The following DLGAP4 variants were observed in gnomAD, a reference collection of about 807,000 sequenced individuals.
The protein encoded by DLGAP4 is DLG associated protein 4.
A neutral mutation model predicts 86.9 loss-of-function variants in DLGAP4; 18 were observed. The observed-to-expected ratio is 0.21, with a 90% confidence interval of 0.14 to 0.31. The LOEUF is 0.31. DLGAP4 is among the 10% of genes least tolerant of loss of function. The pLI, the probability that DLGAP4 is intolerant of heterozygous loss-of-function variation, is 1.00. For synonymous variants in DLGAP4, 548 were observed against 574.3 expected (o/e 0.95, Z 0.65); for missense variants, 1,085 against 1,362.6 (o/e 0.80, Z 3.21).
intron 1 of DLGAP4, among the ~76,000 whole-genome samples, chr20:36,315,530 G>T (rs1159843445): frequency 0.02 from 1 of 50 alleles, no homozygotes; most frequent in African/African-American, 0.062. Context: ...CTGGAAACTT[G>T]GGTGGCCATG....
At chr20:36,452,922 T>C (rs2033778264) in intron 7 of DLGAP4, among the ~76,000 whole-genome samples, 1 of 140,904 alleles carries the variant, frequency 7.1e-6, no homozygotes, top group African/African-American at 2.6e-5. Flanking sequence ...AACCTCTGCC[T>C]CCCAGGTTCA....
At chr20:36,307,508 T>C (rs1393084348) in intron 1 of DLGAP4, among the ~76,000 whole-genome samples, 1 of 152,028 alleles carries the variant, frequency 6.6e-6, no homozygotes, top group Non-Finnish European at 1.5e-5. Flanking sequence ...AGACTGTTGA[T>C]GTGGGAAAAA....
chr20:36,411,275 C>T (rs552634105), intron 2 of DLGAP4, among the ~76,000 whole-genome samples: 1 of 152,274 alleles, frequency 6.6e-6, no homozygotes, highest in East Asian at 1.9e-4. Context: ...AGACGTGGGC[C>T]ACCGCGCCTG....
chr20:36,363,662 C>T (rs994710244), intron 1 of DLGAP4, among the ~76,000 whole-genome samples: 1 of 152,168 alleles, frequency 6.6e-6, no homozygotes, highest in Admixed American at 6.5e-5. Flanking sequence ...ATGTCCATTT[C>T]CCTCTGAATC....
chr20:36,332,538 C>T (rs2065280053), intron 1 of DLGAP4, among the ~76,000 whole-genome samples: 1 of 152,118 alleles, frequency 6.6e-6, no homozygotes, highest in South Asian at 2.1e-4. Context: ...TACAGGCGCC[C>T]GCCACTGCAC....
At chr20:36,520,790 T>G (rs1393671029) in intron 10 of DLGAP4, among the ~76,000 whole-genome samples, 1 of 151,992 alleles carries the variant, frequency 6.6e-6, no homozygotes, top group Non-Finnish European at 1.5e-5. Flanking sequence ...AAGAAACCAT[T>G]GCAAAATCCA....
chr20:36,518,860 G>A (rs1487542866), intron 10 of DLGAP4, among the ~76,000 whole-genome samples: 1 of 152,082 alleles, frequency 6.6e-6, no homozygotes, highest in Non-Finnish European at 1.5e-5. Flanking sequence ...GTTCATGCCT[G>A]TAATCCCAGC....
chr20:36,445,217 C>T (rs2033558081), intron 6 of DLGAP4, among the ~76,000 whole-genome samples: 1 of 152,094 alleles, frequency 6.6e-6, no homozygotes, highest in Non-Finnish European at 1.5e-5. Flanking sequence ...CTGAAATGCA[C>T]AGATTTGGCC....
At chr20:36,336,909 C>T (rs550011675) in intron 1 of DLGAP4, among the ~76,000 whole-genome samples, 5 of 152,336 alleles carry the variant, frequency 3.3e-5, no homozygotes, top group East Asian at 3.9e-4. Flanking sequence ...GCCCCCAGCC[C>T]GCACCCAGTC....
intron 2 of DLGAP4, among the ~76,000 whole-genome samples, chr20:36,396,417 A>ACCCACGCACAC (rs1569484655): frequency 4.4e-5 from 2 of 45,286 alleles, no homozygotes; most frequent in Non-Finnish European, 9.7e-5. Context: ...ACATACACAC[A>ACCCACGCACAC]CACACACCAC....
intron 2 of DLGAP4, among the ~76,000 whole-genome samples, chr20:36,406,785 C>T (rs867660357): frequency 6.6e-6 from 1 of 152,118 alleles, no homozygotes; most frequent in South Asian, 2.1e-4. Flanking sequence ...GGCTGCAGAC[C>T]CTGGAATCCT....
chr20:36,314,351 TGTG>T (rs1295663011), intron 1 of DLGAP4, among the ~76,000 whole-genome samples: 21 of 127,162 alleles, frequency 1.7e-4, no homozygotes, highest in African/African-American at 6.5e-4. Context: ...TGTGTGTGTG[TGTG>T]GTGTGGTGTG....
At chr20:36,325,834 C>G (rs1319709582) in intron 1 of DLGAP4, among the ~76,000 whole-genome samples, 4 of 151,830 alleles carry the variant, frequency 2.6e-5, no homozygotes, top group Non-Finnish European at 5.9e-5. Context: ...TCTCTTGACT[C>G]AGCCTCCTGA....
chr20:36,376,077 C>T (rs2031140878), intron 2 of DLGAP4, among the ~76,000 whole-genome samples: 1 of 152,036 alleles, frequency 6.6e-6, no homozygotes, highest in Non-Finnish European at 1.5e-5. Flanking sequence ...GGGCTCACTG[C>T]AGCCTCTAAC....
At chr20:36,484,022 C>T (rs141685086) in intron 7 of DLGAP4, among the ~76,000 whole-genome samples, 3 of 152,352 alleles carry the variant, frequency 2.0e-5, no homozygotes, top group East Asian at 3.8e-4. Flanking sequence ...CCCTGGAGGC[C>T]GTGGCTAAAG....
intron 1 of DLGAP4, among the ~76,000 whole-genome samples, chr20:36,307,374 T>C (rs1399729024): frequency 1.3e-5 from 2 of 152,146 alleles, no homozygotes; most frequent in African/African-American, 2.4e-5. Flanking sequence ...TTGGTCTCTT[T>C]TGGCCGAACC....
At chr20:36,420,466 C>G (rs2032790715) in intron 2 of DLGAP4, among the ~76,000 whole-genome samples, 1 of 152,138 alleles carries the variant, frequency 6.6e-6, no homozygotes. Context: ...AAAGCAGGAG[C>G]AAACCATCCA....
At chr20:36,506,020 T>C (rs2036349631) in intron 10 of DLGAP4, among the ~76,000 whole-genome samples, 1 of 152,172 alleles carries the variant, frequency 6.6e-6, no homozygotes, top group Non-Finnish European at 1.5e-5. Context: ...CACCATATAT[T>C]CAATATAAAA....
intron 7 of DLGAP4, among the ~76,000 whole-genome samples, chr20:36,481,388 T>G (rs1414795023): frequency 6.6e-6 from 1 of 152,174 alleles, no homozygotes; most frequent in Non-Finnish European, 1.5e-5. Context: ...TTAAATTGTC[T>G]CTCTTCTCCA....
Sources: gnomAD v4.1 joint callset for allele counts (sites outside exome capture counted in the v4.1 genomes callset) on GRCh38, gnomAD v4.1.1 for gene constraint, MANE v1.5 for transcripts, NCBI Gene and HGNC (gene_info 2026-07-23, HGNC 2026-07-21) for gene names.